DNAH10: variants seen among roughly 807,000 people sequenced by gnomAD.
The protein encoded by DNAH10 is axonemal beta dynein heavy chain 10.
Under a neutral mutation model 506.6 loss-of-function variants are expected in DNAH10, and 348 were observed. The ratio of observed to expected loss-of-function variants is 0.69; its 90% CI spans 0.63 to 0.75. DNAH10 has a LOEUF of 0.75. Among genes scored for constraint, DNAH10 ranks in the 30% least tolerant of loss-of-function variants. The probability of loss-of-function intolerance (pLI) is 0.00; values close to 1 mark genes in which losing one functional copy is unlikely to be tolerated. For synonymous variants in DNAH10, 2,059 were observed against 2,198.6 expected (o/e 0.94, Z 1.78); for missense variants, 5,179 against 5,787.1 (o/e 0.89, Z 3.41).
rs758844761 is a variant in DNAH10, at chr12:123,803,799, C to T, written c.2753C>T (p.Ala918Val). 13 of 1,610,690 alleles carry T rather than the reference C, an allele frequency of 8.1e-6. No homozygotes were observed. The Admixed American group carries it at 1.7e-4, about 21-fold the overall frequency. The change falls in exon 17 of 79, where the codon GCC (alanine) becomes GTC (valine). Residue 918 changes from alanine (A) to valine (V), a missense_variant. Ala to Val is a moderately conservative substitution (Grantham distance 64). This residue lies in a region of DNAH10 where 4,844 missense variants were observed against 5,430.5 expected (regional missense o/e 0.89). Transcript: ENST00000673944. Reference sequence around the variant, plus strand: ...GCCATAAATCTCTTTAAATATCCAGCCGCTAAAAGTGAGGAAGAACTCCCA... The same window carrying T: ...GCCATAAATCTCTTTAAATATCCAGTCGCTAAAAGTGAGGAAGAACTCCCA... ...IEAINLFKYP[A>V]AKSEEELPGV...
At chr12:123,822,576 A>T (rs1959528335) in intron 24 of DNAH10, among the ~76,000 whole-genome samples, 1 of 152,178 alleles carries the variant, frequency 6.6e-6, no homozygotes, top group African/African-American at 2.4e-5. Flanking sequence ...ATCTGTATCT[A>T]ATCTACATAT....
At chr12:123,868,824 A>G (rs1309534889) in intron 43 of DNAH10, among the ~76,000 whole-genome samples, 1 of 152,234 alleles carries the variant, frequency 6.6e-6, no homozygotes, top group African/African-American at 2.4e-5. Context: ...ACAGTCATGG[A>G]GCAAATCAAA....
chr12:123,934,293 G>C, intron 77 of DNAH10: 2 of 690,860 alleles, frequency 2.9e-6, no homozygotes, highest in Middle Eastern at 4.6e-4. Context: ...CTGGGACCAT[G>C]CATCTTTCTA....
At chr12:123,914,279 T>A in intron 60 of DNAH10, 50 bp from the exon 61 acceptor site, 3 of 1,533,188 alleles carry the variant, frequency 2.0e-6, no homozygotes, top group Admixed American at 1.8e-5. Flanking sequence ...TTCCTTTTGG[T>A]TGTGGCCAGA....
At chr12:123,876,356 G>A (rs1380389614) in intron 47 of DNAH10, among the ~76,000 whole-genome samples, 1 of 152,264 alleles carries the variant, frequency 6.6e-6, no homozygotes, top group South Asian at 2.1e-4. Flanking sequence ...AATCAGGCCC[G>A]GTGCAGTGGC....
At position 123,914,350 on chromosome 12, in the gene DNAH10, G is replaced by C; in HGVS notation, c.10374G>C (p.Glu3458Asp). 6.2e-7 allele frequency: 1 copy of C among 1,613,096 alleles called. No individual in the cohort carries two copies. The highest frequency in any genetic ancestry group is 8.5e-7 in the Non-Finnish European group (1 of 1,179,838). ...ENIRWLNDLD[E>D]LMHRRVKLLG... ...CCAGGTGGCTGAACGACCTGGATGA[G>C]CTGATGCACCGGCGCGTGAAGCTGC... The change falls in exon 61 of 79, where the codon GAG (glutamate) becomes GAC (aspartate). Residue 3458 changes from glutamate (E) to aspartate (D), a missense_variant. Physicochemically the swap from Glu to Asp is conservative, Grantham distance 45. This residue lies in a region of DNAH10 where 4,844 missense variants were observed against 5,430.5 expected (regional missense o/e 0.89). Transcript: ENST00000673944.
intron 20 of DNAH10, 32 bp downstream of exon 20, chr12:123,813,672 T>C: frequency 6.2e-7 from 1 of 1,613,096 alleles, no homozygotes; most frequent in Non-Finnish European, 8.5e-7. Context: ...TTGAAACTAC[T>C]TTTCGTGTAA....
rs772885473 is a variant in DNAH10 at position 123,787,793 on chromosome 12, T to C, written c.1422-11T>C. ...GCCCTCCTCCCATCACGGCATCTCT[T>C]GGCTTCGCAGAGAAAATCGAGCGAG... is the stretch of plus-strand genomic sequence containing the variant. On this transcript the variant is annotated splice_polypyrimidine_tract_variant and intron_variant, in intron 9 of 78. Transcript: ENST00000673944. The surrounding 1 kb of genome is among the most constrained non-coding windows in gnomAD (Gnocchi z 4.6). 39 of 1,611,790 alleles carry C rather than the reference T, an allele frequency of 2.4e-5. No individual in the cohort carries two copies. Among genetic ancestry groups the C allele is most frequent in the Non-Finnish European group, 2.9e-5 (34 of 1,179,184 alleles).
Position 123,918,730 on chromosome 12 carries a change from C to T in DNAH10, c.11287C>T (p.Arg3763Trp), listed in dbSNP as rs368709232. 3.3e-5 allele frequency: 52 copies of T among 1,597,694 alleles called. No individual in the cohort carries two copies. The highest frequency in any genetic ancestry group is 1.7e-4 in the Middle Eastern group (1 of 6,020). The change falls in exon 65 of 79, where the codon CGG becomes TGG. Residue 3763 changes from arginine (R) to tryptophan (W), a missense_variant. By Grantham distance (101) the Arg-to-Trp change is moderately radical (BLOSUM62 -3). Transcript: ENST00000673944. ...EKTALDIDRL[R>W]DGYRPAARRG... ...GACAGCCTTGGACATCGACAGGCTGCGGGATGGCTACCGGCCAGCAGCCAG... is the reference window on the plus strand; with the variant it reads ...GACAGCCTTGGACATCGACAGGCTGTGGGATGGCTACCGGCCAGCAGCCAG...
chr12:123,836,887 C>G (rs1410253694), intron 28 of DNAH10, among the ~76,000 whole-genome samples: 1 of 151,398 alleles, frequency 6.6e-6, no homozygotes, highest in Non-Finnish European at 1.5e-5. Context: ...GAGTCTCGCT[C>G]TGTCGCCCAG....
intron 51 of DNAH10, among the ~76,000 whole-genome samples, chr12:123,882,626 C>T (rs150309098): frequency 6.6e-6 from 1 of 151,760 alleles, no homozygotes; most frequent in African/African-American, 2.4e-5. Flanking sequence ...AACCCCGTCT[C>T]TACTAAAAAT....
intron 11 of DNAH10, among the ~76,000 whole-genome samples, chr12:123,793,293 G>A (rs776808839): frequency 6.6e-6 from 1 of 150,990 alleles, no homozygotes; most frequent in Non-Finnish European, 1.5e-5. Flanking sequence ...ACTCACTTGC[G>A]CCCCCTATTT....
At position 123,830,632 on chromosome 12, in the gene DNAH10, T is replaced by C. The variant is rs754209402; in HGVS notation, c.4478T>C (p.Leu1493Pro). 1.9e-6 allele frequency: 3 copies of C among 1,613,918 alleles called. No homozygotes were observed. The highest frequency in any genetic ancestry group is 2.5e-6 in the Non-Finnish European group (3 of 1,179,854). The part of the protein sequence containing the change: ...FTLENMFAME[L>P]HKHTDVLNEI... ...TTGGAAAATATGTTTGCTATGGAACTGCACAAACACACAGATGTTCTCAAT... is the reference window on the plus strand; with the variant it reads ...TTGGAAAATATGTTTGCTATGGAACCGCACAAACACACAGATGTTCTCAAT... Residue 1493 changes from leucine to proline, a missense_variant, in exon 26 of 79, where the codon CTG becomes CCG. By Grantham distance (98) the Leu-to-Pro change is moderately conservative (BLOSUM62 -3). This residue lies in a region of DNAH10 where 4,844 missense variants were observed against 5,430.5 expected (regional missense o/e 0.89). Transcript: ENST00000673944.
Position 123,833,259 on chromosome 12 carries a change from G to A in DNAH10, c.4691G>A (p.Ser1564Asn). Reference sequence around the variant, plus strand: ...GATGACAACACTTTCAACCTGCAGAGCATCTCAGGAAGCAGATTTGTGGGG... The same window carrying A: ...GATGACAACACTTTCAACCTGCAGAACATCTCAGGAAGCAGATTTGTGGGG... ...SLDDNTFNLQ[S>N]ISGSRFVGPF... Residue 1564 changes from serine to asparagine, a missense_variant, in exon 27 of 79, where the codon AGC becomes AAC. Ser to Asn is a conservative substitution (Grantham distance 46). Coordinates refer to ENST00000673944, the MANE Select transcript of DNAH10 (RefSeq NM_001372106.1). The A allele has an allele frequency of 6.2e-7, 1 of 1,613,884 alleles. No homozygotes were observed. Among genetic ancestry groups the A allele is most frequent in the Non-Finnish European group, 8.5e-7 (1 of 1,179,868 alleles).
rs116922793 is a variant in DNAH10 at position 123,865,888 on chromosome 12, C to T, written c.7045-63C>T. 501 of 1,466,322 alleles carry T rather than the reference C, an allele frequency of 3.4e-4. 6 individuals carry two copies. The East Asian group carries it at 0.012, about 35-fold the overall frequency. The allele number at this position is 1,466,322 out of a possible 1,614,324, so 90.8% of individuals were successfully genotyped here. On this transcript the variant is annotated intron_variant, in intron 40 of 78. Transcript: ENST00000673944. ...TAAAAACTTTCCATAAGAGAAGGTC[C>T]TTAAACATCTAGTTTATCTTGTGTA...
At chr12:123,877,707 G>T (rs1566033464) in intron 47 of DNAH10, 29 bp from the exon 48 acceptor site, 6 of 1,544,960 alleles carry the variant, frequency 3.9e-6, no homozygotes, top group South Asian at 1.2e-5. Context: ...ACATTTGTGT[G>T]TTGGGGGGGG....
At chr12:123,770,329 C>G (rs1233179007) in intron 2 of DNAH10, among the ~76,000 whole-genome samples, 1 of 151,866 alleles carries the variant, frequency 6.6e-6, no homozygotes, top group African/African-American at 2.4e-5. Flanking sequence ...CTCCTGGCCT[C>G]AAATGATCTT....
intron 5 of DNAH10, among the ~76,000 whole-genome samples, 167 bp from the exon 6 acceptor site, chr12:123,780,913 C>T (rs1179025979): frequency 4.7e-5 from 6 of 127,152 alleles, no homozygotes; most frequent in Non-Finnish European, 9.3e-5. Flanking sequence ...CACAGCACTC[C>T]AGCCTGGTGA....
intron 30 of DNAH10, among the ~76,000 whole-genome samples, chr12:123,843,319 G>C (rs58643005): frequency 0.067 from 10,162 of 152,166 alleles, 924 homozygotes; most frequent in African/African-American, 0.21. Context: ...CTTTGCCCTG[G>C]TCATTTAATC....
Sources: allele counts gnomAD v4.1 joint callset (sites outside exome capture counted in the v4.1 genomes callset), GRCh38; gene constraint gnomAD v4.1.1; regional missense constraint gnomAD v4.1.1; non-coding constraint Gnocchi (gnomAD v3.1); transcripts MANE v1.5; gene names NCBI Gene and HGNC (gene_info 2026-07-23, HGNC 2026-07-21).